The following DIS3L2 variants were observed in gnomAD, a reference collection of about 807,000 sequenced individuals.
DIS3L2 encodes the protein DIS3 like 3'-5' exoribonuclease 2.
Under a neutral mutation model 97.5 loss-of-function variants are expected in DIS3L2, and 34 were observed. The ratio of observed to expected loss-of-function variants is 0.35; its 90% confidence interval spans 0.27 to 0.46. The LOEUF is 0.46. Among genes scored for constraint, DIS3L2 ranks in the 20% least tolerant of loss-of-function variants. The pLI is 1.00. For missense variants in DIS3L2, 1,038 were observed against 1,146.0 expected (o/e 0.91, Z 1.36); for synonymous variants, 435 against 445.2 (o/e 0.98, Z 0.29).
intron 12 of DIS3L2, 139 bp from the exon 13 acceptor site, chr2:232,263,068 C>G: frequency 1.1e-6 from 1 of 894,270 alleles, no homozygotes; most frequent in Non-Finnish European, 1.7e-6. Context: ...GGTGCCTAGC[C>G]TGAACCTGCC....
At chr2:232,277,863 A>G (rs1694182811) in intron 13 of DIS3L2, among the ~76,000 whole-genome samples, 2 of 152,196 alleles carry the variant, frequency 1.3e-5, no homozygotes. Context: ...ACAGCATGTG[A>G]CTGTGCTGAA....
intron 9 of DIS3L2, among the ~76,000 whole-genome samples, chr2:232,170,096 T>A (rs1166688190): frequency 6.6e-6 from 1 of 152,048 alleles, no homozygotes; most frequent in Non-Finnish European, 1.5e-5. Context: ...CATCTGAGGC[T>A]TTAAAAAAGA....
intron 11 of DIS3L2, among the ~76,000 whole-genome samples, chr2:232,239,875 C>T (rs944208943): frequency 2.6e-5 from 4 of 152,208 alleles, no homozygotes; most frequent in African/African-American, 4.8e-5. Context: ...ACTTGTCCAC[C>T]CTGAAAACTA....
At chr2:232,256,639 T>C (rs942447569) in intron 12 of DIS3L2, among the ~76,000 whole-genome samples, 3 of 152,310 alleles carry the variant, frequency 2.0e-5, no homozygotes, top group Non-Finnish European at 4.4e-5. Context: ...TTCTCCCAAG[T>C]ACCTTTCATT....
intron 14 of DIS3L2, among the ~76,000 whole-genome samples, chr2:232,310,975 T>A (rs1695112073): frequency 6.6e-6 from 1 of 152,248 alleles, no homozygotes; most frequent in Non-Finnish European, 1.5e-5. Flanking sequence ...TCAGTGCCTA[T>A]TCCCCACTTG....
At chr2:232,274,132 G>C (rs1288181803) in intron 13 of DIS3L2, among the ~76,000 whole-genome samples, 1 of 152,108 alleles carries the variant, frequency 6.6e-6, no homozygotes, top group Non-Finnish European at 1.5e-5. Context: ...GAGACATAGG[G>C]TTCCTGCACT....
chr2:232,111,213 T>G, intron 6 of DIS3L2: 1 of 471,190 alleles, frequency 2.1e-6, no homozygotes, highest in South Asian at 1.5e-5. Context: ...AAATTGAGGC[T>G]CAGAGAAGTT....
intron 8 of DIS3L2, among the ~76,000 whole-genome samples, chr2:232,159,533 T>G (rs889610244): frequency 6.6e-6 from 1 of 152,198 alleles, no homozygotes; most frequent in African/African-American, 2.4e-5. Context: ...AGGAAGCTGG[T>G]CACTTCCATG....
intron 6 of DIS3L2, among the ~76,000 whole-genome samples, chr2:232,128,451 A>ATTTTTTTTTTT (rs10682281): frequency 7.0e-5 from 5 of 71,694 alleles, no homozygotes; most frequent in East Asian, 5.3e-4. Flanking sequence ...AACTTTGCTA[A>ATTTTTTTTTTT]TTTTTTTTTT....
chr2:232,030,409 G>A (rs984764839), intron 5 of DIS3L2, among the ~76,000 whole-genome samples: 1 of 152,108 alleles, frequency 6.6e-6, no homozygotes, highest in Admixed American at 6.6e-5. Flanking sequence ...TCCTATGCAG[G>A]GAGAACTAGA....
intron 8 of DIS3L2, among the ~76,000 whole-genome samples, chr2:232,140,282 A>G (rs950454514): frequency 1.3e-5 from 2 of 152,072 alleles, no homozygotes; most frequent in Non-Finnish European, 2.9e-5. Flanking sequence ...TATTAGTACT[A>G]TTATTATATT....
intron 8 of DIS3L2, among the ~76,000 whole-genome samples, chr2:232,160,569 T>C (rs1314846350): frequency 6.6e-6 from 1 of 152,144 alleles, no homozygotes; most frequent in Non-Finnish European, 1.5e-5. Context: ...TATCTGTTTT[T>C]CTCTTTTCAA....
rs571486924 is a variant in DIS3L2, at chr2:232,298,860, T to C, written c.1660-1180T>C. On this transcript the variant is annotated intron_variant, in intron 13 of 20. Transcript: ENST00000325385. ...GGGCATGCTGCACCTCCTTGAGCTC[T>C]GTTGGAAGTTCAGCACTCACCTGAG... 2.6e-5 allele frequency among the ~76,000 whole-genome samples: 4 copies of C among 152,376 alleles called. No homozygotes were observed. In the South Asian group the frequency reaches 6.2e-4, roughly 24 times the overall value.
At position 232,336,792 on chromosome 2, in the gene DIS3L2, C is replaced by G; in HGVS notation, c.*162C>G. The G allele has an allele frequency of 4.8e-6, 7 of 1,447,666 alleles. No individual in the cohort carries two copies. The highest frequency in any genetic ancestry group is 6.3e-6 in the Non-Finnish European group (7 of 1,108,352). 89.7% of individuals were successfully genotyped at this position (1,447,666 alleles called of 1,614,324 possible). A position where few individuals can be genotyped will look rare whatever the true frequency, so the allele number is the denominator to read the frequency against. ...TGCAGCTCAACTTTTAAACAAACTG[C>G]AGGGGAGAGGGTGGGGCTGGAAGGA... On this transcript the variant is annotated 3_prime_UTR_variant, in exon 21 of 21. Transcript: ENST00000325385.
intron 10 of DIS3L2, among the ~76,000 whole-genome samples, chr2:232,221,543 C>G (rs866674468): frequency 6.6e-5 from 10 of 152,192 alleles, no homozygotes; most frequent in South Asian, 6.2e-4. Flanking sequence ...GTGGCTCACA[C>G]CTGTAATTCC....
chr2:232,115,375 A>T (rs556204005), intron 6 of DIS3L2, among the ~76,000 whole-genome samples: 2 of 152,322 alleles, frequency 1.3e-5, no homozygotes, highest in African/African-American at 4.8e-5. Context: ...TTTTGCATTC[A>T]ATCTTTATGT....
chr2:232,130,331 G>C (rs888680897), intron 6 of DIS3L2, among the ~76,000 whole-genome samples: 1 of 152,026 alleles, frequency 6.6e-6, no homozygotes, highest in Non-Finnish European at 1.5e-5. Context: ...CGACACACAG[G>C]CTATTTAGTT....
chr2:232,169,706 C>T (rs1204372851), intron 9 of DIS3L2, among the ~76,000 whole-genome samples: 1 of 152,148 alleles, frequency 6.6e-6, no homozygotes, highest in Non-Finnish European at 1.5e-5. Flanking sequence ...CATCCTGCCT[C>T]AGAGCCTGCA....
At chr2:232,014,814 C>A (rs1694306865) in intron 1 of DIS3L2, 21 bp from the exon 2 acceptor site, 4 of 1,164,804 alleles carry the variant, frequency 3.4e-6, no homozygotes, top group Non-Finnish European at 4.9e-6. Flanking sequence ...TCTCCAATTA[C>A]CAATCTCTTC....
Sources: allele counts gnomAD v4.1 joint callset (sites outside exome capture counted in the v4.1 genomes callset), GRCh38; gene constraint gnomAD v4.1.1; transcripts MANE v1.5; gene names NCBI Gene and HGNC (gene_info 2026-07-23, HGNC 2026-07-21).